NXPE2: variants seen among roughly 807,000 people sequenced by gnomAD.
NXPE2 encodes the protein NXPE family member 2.
A neutral mutation model predicts 34.4 loss-of-function variants in NXPE2; 34 were observed. The ratio of observed to expected loss-of-function variants is 0.99; its 90% CI spans 0.75 to 1.31. NXPE2 has a LOEUF of 1.31. NXPE2 is among the 40% of genes most tolerant of loss of function. The pLI is 0.00. For missense variants in NXPE2, 649 were observed against 672.5 expected (o/e 0.97, Z 0.39); for synonymous variants, 235 against 231.3 (o/e 1.02, Z -0.15).
the NXPE2 span, among the ~76,000 whole-genome samples, chr11:114,577,919 G>A: frequency 6.6e-6 from 1 of 152,082 alleles, no homozygotes; most frequent in African/African-American, 2.4e-5. Context: ...CTAGTCATTT[G>A]TGGAACCCTT....
chr11:114,614,510 A>T, the NXPE2 span, among the ~76,000 whole-genome samples: 1 of 150,590 alleles, frequency 6.6e-6, no homozygotes, highest in African/African-American at 2.4e-5. Context: ...GTGGATAATA[A>T]ATGTTGCCTC....
At chr11:114,577,161 CATATAT>C in the NXPE2 span, among the ~76,000 whole-genome samples, 1 of 134,568 alleles carries the variant, frequency 7.4e-6, no homozygotes, top group Non-Finnish European at 1.6e-5. Context: ...ATATATGTGT[CATATAT>C]ATATATATAT....
downstream of NXPE2, among the ~76,000 whole-genome samples, chr11:114,711,115 G>A (rs1027408809): frequency 2.6e-5 from 4 of 151,966 alleles, no homozygotes; most frequent in East Asian, 1.9e-4. Context: ...AGCCATACAC[G>A]AAAAGCCCAC....
chr11:114,495,060 C>A, the NXPE2 span, among the ~76,000 whole-genome samples: 1 of 152,148 alleles, frequency 6.6e-6, no homozygotes, highest in African/African-American at 2.4e-5. Context: ...TTCACCCAAG[C>A]GAACAAAAGT....
chr11:114,560,094 C>A, the NXPE2 span, among the ~76,000 whole-genome samples: 1 of 152,034 alleles, frequency 6.6e-6, no homozygotes, highest in Admixed American at 6.6e-5. Flanking sequence ...GAATGGAAAA[C>A]CTCTTAGTTC....
chr11:114,669,687 G>T, the NXPE2 span, among the ~76,000 whole-genome samples: 10 of 152,054 alleles, frequency 6.6e-5, no homozygotes, highest in African/African-American at 2.4e-4. Flanking sequence ...CAGAAGTTTT[G>T]CCCAGGAAGA....
the NXPE2 span, among the ~76,000 whole-genome samples, chr11:114,639,194 A>G: frequency 2.0e-5 from 3 of 152,018 alleles, no homozygotes; most frequent in Non-Finnish European, 4.4e-5. Flanking sequence ...CCCCAGCCTC[A>G]CTGCCGCCTT....
At chr11:114,465,295 T>C in the NXPE2 span, among the ~76,000 whole-genome samples, 1 of 152,210 alleles carries the variant, frequency 6.6e-6, no homozygotes, top group African/African-American at 2.4e-5. Context: ...TCATAATTAA[T>C]TGTGTTTATA....
At chr11:114,636,906 G>C in the NXPE2 span, among the ~76,000 whole-genome samples, 1 of 152,226 alleles carries the variant, frequency 6.6e-6, no homozygotes, top group Admixed American at 6.5e-5. Context: ...TTTGGAATAG[G>C]TGTGGTGTGT....
At chr11:114,545,945 T>G in the NXPE2 span, among the ~76,000 whole-genome samples, 2 of 152,076 alleles carry the variant, frequency 1.3e-5, no homozygotes, top group African/African-American at 4.8e-5. Flanking sequence ...CACCTCGGCC[T>G]CCCAAAGTGC....
chr11:114,626,192 C>A, the NXPE2 span, among the ~76,000 whole-genome samples: 1 of 152,164 alleles, frequency 6.6e-6, no homozygotes, highest in East Asian at 1.9e-4. Flanking sequence ...AGGAGGGCTG[C>A]CTGCCTCTGT....
At chr11:114,692,451 T>A (rs1278311086) in intron 2 of NXPE2, among the ~76,000 whole-genome samples, 1 of 152,216 alleles carries the variant, frequency 6.6e-6, no homozygotes, top group African/African-American at 2.4e-5. Context: ...GGCTCCCACC[T>A]GAGTCTGCTC....
At chr11:114,641,464 C>T in the NXPE2 span, among the ~76,000 whole-genome samples, 27,288 of 151,822 alleles carry the variant, frequency 0.18, 2,913 homozygotes, top group Non-Finnish European at 0.22. Context: ...CAATGAATAA[C>T]AATGAAAGTA....
At chr11:114,546,148 T>G in the NXPE2 span, among the ~76,000 whole-genome samples, 5 of 152,206 alleles carry the variant, frequency 3.3e-5, no homozygotes, top group Admixed American at 3.3e-4. Flanking sequence ...GCTTTGGAAA[T>G]TAATAGAGTC....
At chr11:114,636,424 C>T in the NXPE2 span, among the ~76,000 whole-genome samples, 4 of 152,012 alleles carry the variant, frequency 2.6e-5, no homozygotes, top group African/African-American at 7.2e-5. Flanking sequence ...CTCCTGGATT[C>T]GTTAATTGTT....
At chr11:114,543,009 C>T in the NXPE2 span, among the ~76,000 whole-genome samples, 333 of 152,210 alleles carry the variant, frequency 2.2e-3, 6 homozygotes, top group South Asian at 6.2e-4. Context: ...AATCCCAGCA[C>T]TTTGGGAGGT....
chr11:114,540,599 T>C, the NXPE2 span, among the ~76,000 whole-genome samples: 2 of 152,116 alleles, frequency 1.3e-5, no homozygotes, highest in Admixed American at 1.3e-4. Flanking sequence ...AAAAGAGTTC[T>C]GTTTCAATAT....
the NXPE2 span, among the ~76,000 whole-genome samples, chr11:114,566,343 G>T: frequency 6.6e-6 from 1 of 152,282 alleles, no homozygotes; most frequent in South Asian, 2.1e-4. Context: ...GTGGGGATTG[G>T]CAAAGGAAAA....
chr11:114,581,753 G>C, the NXPE2 span: 1 of 1,611,708 alleles, frequency 6.2e-7, no homozygotes, highest in Non-Finnish European at 8.5e-7. Context: ...TAATTGTATT[G>C]AATTTTTCCA....
Sources: allele counts gnomAD v4.1 joint callset (sites outside exome capture counted in the v4.1 genomes callset), GRCh38; gene constraint gnomAD v4.1.1; transcripts MANE v1.5; gene names NCBI Gene and HGNC (gene_info 2026-07-23, HGNC 2026-07-21).